NAALADL2: variants seen among roughly 807,000 people sequenced by gnomAD.
NAALADL2 encodes N-acetylated alpha-linked acidic dipeptidase like 2.
In NAALADL2, 76 loss-of-function variants were observed where a neutral mutation model predicts 87.2. That is an observed-to-expected ratio of 0.87 (90% CI 0.72 to 1.05). NAALADL2 has a LOEUF of 1.05. Among genes scored for constraint, NAALADL2 ranks in the 50% least tolerant of loss-of-function variants. The probability of loss-of-function intolerance (pLI) is 0.00; values close to 1 mark genes in which losing one functional copy is unlikely to be tolerated. For missense variants in NAALADL2, 1,089 were observed against 945.8 expected (o/e 1.15, Z -1.99); for synonymous variants, 354 against 331.0 (o/e 1.07, Z -0.75).
intron 2 of NAALADL2, among the ~76,000 whole-genome samples, chr3:174,686,847 C>T (rs1728089330): frequency 6.6e-6 from 1 of 151,928 alleles, no homozygotes; most frequent in Non-Finnish European, 1.5e-5. Context: ...TATAAAAGCC[C>T]TGGAAAACAA....
chr3:175,440,420 G>C (rs1376178334), intron 5 of NAALADL2, among the ~76,000 whole-genome samples: 1 of 152,048 alleles, frequency 6.6e-6, no homozygotes, highest in African/African-American at 2.4e-5. Context: ...GTTCTGTTAA[G>C]AATGATGGTG....
At chr3:175,334,052 C>T (rs563838571) in intron 5 of NAALADL2, among the ~76,000 whole-genome samples, 4 of 152,132 alleles carry the variant, frequency 2.6e-5, no homozygotes, top group African/African-American at 9.7e-5. Context: ...CGCTTACTTT[C>T]TGACACAGTA....
At chr3:174,799,320 A>G (rs2109241778) in intron 3 of NAALADL2, among the ~76,000 whole-genome samples, 1 of 152,186 alleles carries the variant, frequency 6.6e-6, no homozygotes, top group African/African-American at 2.4e-5. Context: ...TCCCTACCCA[A>G]ATCTCTTTTT....
intron 4 of NAALADL2, among the ~76,000 whole-genome samples, chr3:175,285,053 A>T (rs1156957910): frequency 6.6e-6 from 1 of 152,210 alleles, no homozygotes; most frequent in African/African-American, 2.4e-5. Context: ...TATGGATGGC[A>T]TAAATTAAAG....
chr3:174,485,548 A>G (rs1381022234), intron 1 of NAALADL2, among the ~76,000 whole-genome samples: 1 of 151,356 alleles, frequency 6.6e-6, no homozygotes, highest in Admixed American at 6.6e-5. Context: ...AATATGAGAT[A>G]TTTGGTTTTC....
intron 13 of NAALADL2, among the ~76,000 whole-genome samples, chr3:175,772,952 A>G (rs1749708779): frequency 6.6e-6 from 1 of 152,188 alleles, no homozygotes; most frequent in Non-Finnish European, 1.5e-5. Context: ...AAAAAGGTGA[A>G]GAAATAGATA....
chr3:174,689,970 TAA>T (rs3040030), intron 2 of NAALADL2, among the ~76,000 whole-genome samples: 5,890 of 149,338 alleles, frequency 0.039, 259 homozygotes, highest in African/African-American at 0.11. Flanking sequence ...CTTGATCTTC[TAA>T]AAAAAAAAAG....
chr3:174,641,185 T>C (rs1723144977), intron 2 of NAALADL2, among the ~76,000 whole-genome samples: 1 of 152,132 alleles, frequency 6.6e-6, no homozygotes, highest in Admixed American at 6.5e-5. Flanking sequence ...GGCCAGGGTC[T>C]CCACAGCTGC....
At chr3:175,444,362 T>C (rs570518484) in intron 5 of NAALADL2, among the ~76,000 whole-genome samples, 248 of 152,328 alleles carry the variant, frequency 1.6e-3, no homozygotes, top group African/African-American at 5.7e-3. Context: ...AGACATTGTC[T>C]ATGCTTTGAA....
chr3:174,897,526 G>C (rs1003161505), intron 1 of NAALADL2, among the ~76,000 whole-genome samples: 1 of 152,130 alleles, frequency 6.6e-6, no homozygotes, highest in Non-Finnish European at 1.5e-5. Flanking sequence ...ACAAATGCTG[G>C]CAAGGATGTG....
intron 4 of NAALADL2, among the ~76,000 whole-genome samples, chr3:175,290,255 G>C (rs1755490373): frequency 6.6e-6 from 1 of 152,118 alleles, no homozygotes; most frequent in Non-Finnish European, 1.5e-5. Flanking sequence ...CCATACTGGA[G>C]ACAATCTAAA....
chr3:175,383,142 A>G (rs1322657705), intron 5 of NAALADL2, among the ~76,000 whole-genome samples: 1 of 152,142 alleles, frequency 6.6e-6, no homozygotes, highest in Non-Finnish European at 1.5e-5. Context: ...AGTAATTGGG[A>G]TATCATTACC....
intron 2 of NAALADL2, among the ~76,000 whole-genome samples, chr3:174,714,563 G>A (rs9833208): frequency 0.28 from 42,713 of 151,928 alleles, 6,329 homozygotes; most frequent in East Asian, 0.41. Context: ...CTTTGAAGCA[G>A]TTGTGAATGG....
intron 10 of NAALADL2, 21 bp downstream of exon 10, chr3:175,576,208 C>A: frequency 6.2e-7 from 1 of 1,604,160 alleles, no homozygotes; most frequent in Non-Finnish European, 8.5e-7. Flanking sequence ...CTAAAAAATG[C>A]AAAACACACA....
intron 1 of NAALADL2, among the ~76,000 whole-genome samples, chr3:174,528,609 T>A (rs926169715): frequency 5.9e-5 from 9 of 152,090 alleles, no homozygotes; most frequent in African/African-American, 1.9e-4. Context: ...CTGGGTGTAT[T>A]AGTTTTCACA....
At chr3:175,214,859 A>G (rs944058507) in intron 2 of NAALADL2, among the ~76,000 whole-genome samples, 3 of 152,194 alleles carry the variant, frequency 2.0e-5, no homozygotes, top group Admixed American at 2.0e-4. Context: ...ACATTCTTGT[A>G]CATTAGTTTG....
rs549959149 is a variant in NAALADL2, at chr3:175,753,268, A to G, written c.1991-1952A>G. On this transcript the variant is annotated intron_variant, in intron 12 of 13. Transcript: ENST00000454872. ...ACGATTTTTAACTAGATTGTGGGATATTGAAAATTAGCAAAAATGACTATG... is the reference window on the plus strand; with the variant it reads ...ACGATTTTTAACTAGATTGTGGGATGTTGAAAATTAGCAAAAATGACTATG... Among the ~76,000 whole-genome samples, 35 of 152,288 alleles carry G rather than the reference A, an allele frequency of 2.3e-4. No homozygotes were observed. The South Asian group carries it at 2.7e-3, about 12-fold the overall frequency.
chr3:174,521,016 G>T (rs906579182), intron 1 of NAALADL2, among the ~76,000 whole-genome samples: 1 of 152,100 alleles, frequency 6.6e-6, no homozygotes, highest in Admixed American at 6.5e-5. Context: ...AAAAAAACAG[G>T]TGTTGGCAAG....
chr3:175,085,787 A>G (rs961066457), intron 1 of NAALADL2, among the ~76,000 whole-genome samples: 2 of 152,132 alleles, frequency 1.3e-5, no homozygotes, highest in South Asian at 4.2e-4. Context: ...GCATGGTGGC[A>G]TGTGCCTGTA....
Sources: allele counts gnomAD v4.1 joint callset (sites outside exome capture counted in the v4.1 genomes callset), GRCh38; gene constraint gnomAD v4.1.1; transcripts MANE v1.5; gene names NCBI Gene and HGNC (gene_info 2026-07-23, HGNC 2026-07-21).